Variants in SYN3 observed in about 807,000 individuals in gnomAD.
SYN3 encodes the protein synapsin III, also known as synapsin-3.
In SYN3, 35 loss-of-function variants were observed where a neutral mutation model predicts 65.8. That is an observed-to-expected ratio of 0.53 (90% CI 0.41 to 0.70). The LOEUF is 0.70. Ranked by LOEUF, SYN3 falls within the 30% of genes least tolerant of loss-of-function variation. SYN3 has a pLI of 0.00. For synonymous variants in SYN3, 270 were observed against 292.9 expected, an observed-to-expected ratio of 0.92 and a Z score of 0.80; for missense variants, 680 against 749.0, an observed-to-expected ratio of 0.91 and a Z score of 1.08.
chr22:32,631,791 A>G (rs1439440816), intron 6 of SYN3, among the ~76,000 whole-genome samples: 1 of 152,208 alleles, frequency 6.6e-6, no homozygotes, highest in Admixed American at 6.5e-5. Context: ...AGAGAGGGTG[A>G]GTAACTTGCC....
chr22:32,650,422 A>C (rs945117282), intron 6 of SYN3, among the ~76,000 whole-genome samples: 1 of 151,818 alleles, frequency 6.6e-6, no homozygotes, highest in Non-Finnish European at 1.5e-5. Context: ...GTGTACCTCC[A>C]TGCCTGGCTA....
rs756776355 is a variant in SYN3 at position 32,518,346 on chromosome 22, GA to G, written c.1319-13del. 4.0e-5 allele frequency: 64 copies of G among 1,591,752 alleles called. No individual in the cohort carries two copies. The highest frequency in any genetic ancestry group is 3.6e-4 in the Admixed American group (21 of 57,964). On this transcript the variant is annotated splice_polypyrimidine_tract_variant and intron_variant, in intron 12 of 13. Transcript: ENST00000358763. ...TTGGCGAGGGCCTCCTAAGGGGCCA[GA>G]AAAAAAAAGGTTCAGTTCAATTTTT... is the stretch of plus-strand genomic sequence containing the variant.
At chr22:33,041,962 G>A (rs2053972527) in intron 1 of SYN3, among the ~76,000 whole-genome samples, 1 of 152,128 alleles carries the variant, frequency 6.6e-6, no homozygotes, top group African/African-American at 2.4e-5. Context: ...AGCTGCTAAG[G>A]ACTGAATGTG....
At chr22:32,582,933 T>C (rs1306564949) in intron 7 of SYN3, among the ~76,000 whole-genome samples, 1 of 152,152 alleles carries the variant, frequency 6.6e-6, no homozygotes, top group Non-Finnish European at 1.5e-5. Context: ...GCTACCACTC[T>C]TTTCTAGGAG....
chr22:32,827,934 C>T (rs757101577), intron 6 of SYN3, among the ~76,000 whole-genome samples: 12 of 152,190 alleles, frequency 7.9e-5, no homozygotes, highest in East Asian at 1.9e-4. Context: ...ATGTCACCTT[C>T]GTAGAGAGGC....
intron 6 of SYN3, among the ~76,000 whole-genome samples, chr22:32,819,037 G>C (rs1363787177): frequency 1.3e-5 from 2 of 152,244 alleles, no homozygotes. Context: ...CTTAAGTATA[G>C]GTGAGCCAGA....
intron 6 of SYN3, among the ~76,000 whole-genome samples, chr22:32,756,709 C>T (rs1316722291): frequency 6.6e-6 from 1 of 152,140 alleles, no homozygotes; most frequent in Non-Finnish European, 1.5e-5. Context: ...GACTCCTAGC[C>T]ACCTCTCTCA....
intron 7 of SYN3, among the ~76,000 whole-genome samples, chr22:32,548,057 C>T (rs114563175): frequency 1.3e-3 from 192 of 152,312 alleles, no homozygotes; most frequent in African/African-American, 4.4e-3. Context: ...GCTTCCAGGC[C>T]CTTCACCATC....
intron 3 of SYN3, among the ~76,000 whole-genome samples, chr22:32,943,983 C>T (rs1190863886): frequency 6.6e-6 from 1 of 152,124 alleles, no homozygotes; most frequent in Non-Finnish European, 1.5e-5. Flanking sequence ...GACTTAGACT[C>T]CCACACAATA....
intron 1 of SYN3, among the ~76,000 whole-genome samples, chr22:33,031,492 C>A (rs1337422062): frequency 6.6e-6 from 1 of 152,106 alleles, no homozygotes; most frequent in Non-Finnish European, 1.5e-5. Context: ...CCCCACTGGA[C>A]AAAGGCAGCT....
intron 6 of SYN3, among the ~76,000 whole-genome samples, chr22:32,742,171 G>A (rs995997588): frequency 1.3e-5 from 2 of 152,178 alleles, no homozygotes; most frequent in East Asian, 1.9e-4. Flanking sequence ...AGCTACTCAG[G>A]AGGCTGAGGC....
intron 6 of SYN3, among the ~76,000 whole-genome samples, chr22:32,838,677 T>G (rs950455903): frequency 2.0e-5 from 3 of 152,100 alleles, no homozygotes; most frequent in Non-Finnish European, 4.4e-5. Context: ...CATTTTTACT[T>G]GTCCCTTCCT....
intron 2 of SYN3, among the ~76,000 whole-genome samples, chr22:32,992,813 A>T (rs1398626560): frequency 3.3e-5 from 5 of 152,062 alleles, no homozygotes; most frequent in Non-Finnish European, 7.4e-5. Context: ...ACTCCATCTC[A>T]AAATAAAAAT....
chr22:32,726,975 T>TA (rs2061203598), intron 6 of SYN3, among the ~76,000 whole-genome samples: 1 of 152,098 alleles, frequency 6.6e-6, no homozygotes, highest in Non-Finnish European at 1.5e-5. Context: ...AATGAAGTTT[T>TA]TTTTTTTTTT....
intron 5 of SYN3, among the ~76,000 whole-genome samples, chr22:32,867,026 T>C (rs562185389): frequency 6.6e-6 from 1 of 152,276 alleles, no homozygotes; most frequent in Admixed American, 6.5e-5. Context: ...ATAAGGAAGC[T>C]AAGTTCAGAG....
chr22:32,652,584 C>T (rs971415681), intron 6 of SYN3, among the ~76,000 whole-genome samples: 1 of 151,976 alleles, frequency 6.6e-6, no homozygotes, highest in African/African-American at 2.4e-5. Flanking sequence ...CTAAAGGGAA[C>T]ACTTTCTGGT....
intron 7 of SYN3, among the ~76,000 whole-genome samples, chr22:32,572,394 C>CCCCTTTT (rs2058780864): frequency 3.9e-5 from 4 of 103,732 alleles, no homozygotes; most frequent in Non-Finnish European, 5.6e-5. Flanking sequence ...TTCCTTCCTT[C>CCCCTTTT]CCTCCCTCCC....
intron 1 of SYN3, among the ~76,000 whole-genome samples, chr22:33,052,494 T>C (rs2054185686): frequency 6.6e-6 from 1 of 151,070 alleles, no homozygotes; most frequent in Admixed American, 6.6e-5. Flanking sequence ...AGAGTATGGA[T>C]GTGTAAGGAG....
At chr22:32,659,428 A>G (rs1253612961) in intron 6 of SYN3, among the ~76,000 whole-genome samples, 1 of 152,186 alleles carries the variant, frequency 6.6e-6, no homozygotes, top group East Asian at 1.9e-4. Context: ...TCAACTTCAG[A>G]ACATGGGTTA....
Sources: allele counts gnomAD v4.1 joint callset (sites outside exome capture counted in the v4.1 genomes callset), GRCh38; gene constraint gnomAD v4.1.1; transcripts MANE v1.5; gene names NCBI Gene and HGNC (gene_info 2026-07-23, HGNC 2026-07-21).